The following PCDHA4 variants were observed in gnomAD, a reference collection of about 807,000 sequenced individuals.
PCDHA4 encodes the protein protocadherin alpha 4.
A neutral mutation model predicts 61.4 loss-of-function variants in PCDHA4; 49 were observed. That is an observed-to-expected ratio of 0.80 (90% CI 0.63 to 1.01). The LOEUF is 1.01. Ranked by LOEUF, PCDHA4 falls within the 50% of genes least tolerant of loss-of-function variation. The probability of loss-of-function intolerance (pLI) is 0.00; values close to 1 mark genes in which losing one functional copy is unlikely to be tolerated. For synonymous variants in PCDHA4, 590 were observed against 550.3 expected (o/e 1.07, Z -1.01); for missense variants, 1,254 against 1,235.8 (o/e 1.01, Z -0.22).
rs782762108 is a variant in PCDHA4 at position 140,876,906 on chromosome 5, G to A, written c.2385+67334G>A. 3.7e-6 allele frequency: 6 copies of A among 1,613,910 alleles called. No homozygotes were observed. In the African/African-American group the frequency reaches 8.0e-5, roughly 22 times the overall value. On this transcript the variant is annotated intron_variant, in intron 1 of 3. Transcript: ENST00000530339. Reference sequence around the variant, plus strand: ...CGGGCTGCCACATCTTCACGGTGTCGGCATGGGACGCGGACGCGCAGAAGA... The same window carrying A: ...CGGGCTGCCACATCTTCACGGTGTCAGCATGGGACGCGGACGCGCAGAAGA...
At chr5:140,926,375 C>G (rs1265113344) in intron 1 of PCDHA4, 1 of 152,328 alleles carries the variant, frequency 6.6e-6, no homozygotes, top group African/African-American at 2.4e-5. Flanking sequence ...CAGGAAGAGC[C>G]CAGCTGGGCT....
intron 1 of PCDHA4, chr5:140,858,468 G>A: frequency 6.6e-7 from 1 of 1,521,202 alleles, no homozygotes; most frequent in East Asian, 2.4e-5. Context: ...TTCCTTTTGT[G>A]CTTTATGAAT....
chr5:140,969,075 A>G, intron 1 of PCDHA4: 1 of 1,614,184 alleles, frequency 6.2e-7, no homozygotes, highest in Non-Finnish European at 8.5e-7. Flanking sequence ...AGGATACCGC[A>G]TGGCCTCAAA....
intron 1 of PCDHA4, chr5:140,855,925 C>G (rs1161071214): frequency 2.4e-6 from 3 of 1,240,504 alleles, no homozygotes; most frequent in Non-Finnish European, 3.4e-6. Flanking sequence ...TAGGAAGTAG[C>G]GTCATTCTGA....
At chr5:140,899,814 G>A (rs1212568701) in intron 1 of PCDHA4, among the ~76,000 whole-genome samples, 8 of 152,012 alleles carry the variant, frequency 5.3e-5, no homozygotes, top group African/African-American at 7.2e-5. Flanking sequence ...ATTTTGTTTT[G>A]TTTTTCCTTT....
chr5:140,878,938 A>G (rs1413471911), intron 1 of PCDHA4, among the ~76,000 whole-genome samples: 1 of 152,226 alleles, frequency 6.6e-6, no homozygotes, highest in African/African-American at 2.4e-5. Flanking sequence ...TTTTAAATAA[A>G]TATATGGTAT....
chr5:140,922,898 T>A (rs916788135), intron 1 of PCDHA4, among the ~76,000 whole-genome samples: 2 of 152,022 alleles, frequency 1.3e-5, no homozygotes, highest in African/African-American at 4.8e-5. Flanking sequence ...CAAGAAAAAA[T>A]TTTGAGATAC....
chr5:140,807,862 C>T lies in PCDHA4; in HGVS notation c.675C>T (p.Thr225=). The stretch of plus-strand genomic sequence containing the variant: ...GAGGCAAACCCGAGTTGACTGGCAC[C>T]GTTCAGTTACTCATCACAGTACTGG... ...TDGGKPELTG[T]VQLLITVLDA... is the part of the protein sequence containing the mutation. Residue 225 remains threonine (T), a synonymous_variant, in exon 1 of 4, where the codon ACC becomes ACT. Transcript: ENST00000530339. 4 of 1,614,112 alleles carry T rather than the reference C, an allele frequency of 2.5e-6. No homozygotes were observed. The highest frequency in any genetic ancestry group is 1.1e-5 in the South Asian group (1 of 91,080).
chr5:140,825,928 C>G (rs1768763008), intron 1 of PCDHA4: 2 of 151,504 alleles, frequency 1.3e-5, no homozygotes, highest in East Asian at 3.9e-4. Flanking sequence ...GGTGTCCTCT[C>G]CATCTGAAAT....
chr5:140,834,371 C>T (rs367564168), intron 1 of PCDHA4: 1 of 1,557,940 alleles, frequency 6.4e-7, no homozygotes, highest in Non-Finnish European at 8.7e-7. Context: ...GAAAAACAAG[C>T]CAATAATTTG....
In PCDHA4 at chr5:140,849,224, C is replaced by G; in HGVS notation, c.2385+39652C>G. The G allele has an allele frequency of 1.9e-6, 2 of 1,040,424 alleles. 1 individual carries two copies. The allele number at this position is 1,040,424 out of a possible 1,614,324, so 64.4% of individuals were successfully genotyped here. A position where few individuals can be genotyped will look rare whatever the true frequency, so the allele number is the denominator to read the frequency against. On this transcript the variant is annotated intron_variant, in intron 1 of 3. Coordinates refer to ENST00000530339, the MANE Select transcript of PCDHA4 (RefSeq NM_018907.4). ...ACAATGACAATGCCCCAGTGTTCGACAGAACCCTGTATACGGTGAAATTAC... is the reference window on the plus strand; with the variant it reads ...ACAATGACAATGCCCCAGTGTTCGAGAGAACCCTGTATACGGTGAAATTAC...
chr5:140,938,973 G>A (rs112209995), intron 1 of PCDHA4, among the ~76,000 whole-genome samples: 3 of 152,224 alleles, frequency 2.0e-5, no homozygotes, highest in East Asian at 1.9e-4. Context: ...TTGGCATCAA[G>A]GCTATCCTGG....
intron 1 of PCDHA4, chr5:140,876,661 C>T: frequency 1.2e-6 from 2 of 1,614,212 alleles, no homozygotes; most frequent in Non-Finnish European, 1.7e-6. Context: ...TCCCTTCAAG[C>T]TGGTGTCCAC....
intron 1 of PCDHA4, among the ~76,000 whole-genome samples, chr5:140,901,632 G>A (rs768343428): frequency 6.6e-5 from 10 of 152,172 alleles, no homozygotes; most frequent in Non-Finnish European, 1.3e-4. Flanking sequence ...GTCAGGTAAT[G>A]TGATTCTTCC....
At chr5:140,824,894 T>C (rs1768384887) in intron 1 of PCDHA4, 1 of 152,172 alleles carries the variant, frequency 6.6e-6, no homozygotes, top group Non-Finnish European at 1.5e-5. Context: ...ATTTCAACTT[T>C]GCCTAAGCAG....
At chr5:140,849,121 A>T (rs2150430770) in intron 1 of PCDHA4, 1 of 1,407,396 alleles carries the variant, frequency 7.1e-7, no homozygotes. Flanking sequence ...CCGGAGCTTC[A>T]TTTATTGCTC....
chr5:140,869,072 G>T, intron 1 of PCDHA4: 4 of 1,574,396 alleles, frequency 2.5e-6, no homozygotes, highest in Non-Finnish European at 2.6e-6. Flanking sequence ...TAAGTGTAAA[G>T]AAGCTTATTT....
chr5:140,986,308 A>G (rs1399323765), intron 3 of PCDHA4, among the ~76,000 whole-genome samples: 1 of 152,162 alleles, frequency 6.6e-6, no homozygotes, highest in African/African-American at 2.4e-5. Context: ...AGAGAAAATT[A>G]GCTAAATCAG....
At chr5:140,877,745 T>C (rs1554170071) in intron 1 of PCDHA4, 3 of 1,614,108 alleles carry the variant, frequency 1.9e-6, no homozygotes, top group Non-Finnish European at 2.5e-6. Context: ...AGGCAGAGGG[T>C]GTGCTCTGCA....
Sources: allele counts gnomAD v4.1 joint callset (sites outside exome capture counted in the v4.1 genomes callset), GRCh38; gene constraint gnomAD v4.1.1; transcripts MANE v1.5; gene names NCBI Gene and HGNC (gene_info 2026-07-23, HGNC 2026-07-21).